ANK2: variants seen among roughly 807,000 people sequenced by gnomAD.
ANK2 encodes the protein ankyrin-2.
Under a neutral mutation model 360.5 loss-of-function variants are expected in ANK2, and 83 were observed. The observed-to-expected ratio is 0.23, with a 90% CI of 0.19 to 0.28. The LOEUF is 0.28. Ranked by LOEUF, ANK2 falls within the 10% of genes least tolerant of loss-of-function variation. ANK2 has a pLI of 1.00. For synonymous variants in ANK2, 1,740 were observed against 1,759.5 expected (o/e 0.99, Z 0.28); for missense variants, 4,201 against 4,795.7 (o/e 0.88, Z 3.66).
At chr4:112,744,141 A>C in the ANK2 span, among the ~76,000 whole-genome samples, 2 of 152,090 alleles carry the variant, frequency 1.3e-5, no homozygotes, top group East Asian at 3.9e-4. Context: ...ATTACTTTCA[A>C]TGGCAAAAAC....
At chr4:113,186,020 G>C (rs1020637372) in intron 2 of ANK2, among the ~76,000 whole-genome samples, 1 of 152,208 alleles carries the variant, frequency 6.6e-6, no homozygotes, top group Non-Finnish European at 1.5e-5. Context: ...GAAGAGAGCA[G>C]TGGATCTCCC....
chr4:113,137,339 A>G (rs937698982), intron 1 of ANK2, among the ~76,000 whole-genome samples: 4 of 152,196 alleles, frequency 2.6e-5, no homozygotes, highest in African/African-American at 9.7e-5. Flanking sequence ...GGAAAAAAGT[A>G]GACTCTGCAG....
At chr4:113,312,778 G>A (rs1248287253) in intron 24 of ANK2, among the ~76,000 whole-genome samples, 1 of 152,306 alleles carries the variant, frequency 6.6e-6, no homozygotes, top group East Asian at 1.9e-4. Flanking sequence ...AAGTGTGGAG[G>A]ACGGGAATTA....
At chr4:113,210,728 C>T (rs1184390645) in intron 4 of ANK2, among the ~76,000 whole-genome samples, 2 of 152,134 alleles carry the variant, frequency 1.3e-5, no homozygotes, top group African/African-American at 4.8e-5. Context: ...TTAACACAAT[C>T]CTTAGCATAT....
intron 1 of ANK2, among the ~76,000 whole-genome samples, chr4:112,849,065 T>C (rs1045857307): frequency 6.6e-6 from 1 of 152,234 alleles, no homozygotes; most frequent in Non-Finnish European, 1.5e-5. Context: ...TATTGAACCA[T>C]GTAAGGGATT....
At chr4:112,838,291 C>T (rs2061409008) in intron 1 of ANK2, among the ~76,000 whole-genome samples, 1 of 152,154 alleles carries the variant, frequency 6.6e-6, no homozygotes, top group Admixed American at 6.5e-5. Context: ...GAGGCCTCCC[C>T]AGCCATGCAG....
At chr4:113,089,034 CT>C (rs1274436514) in intron 1 of ANK2, among the ~76,000 whole-genome samples, 1 of 152,186 alleles carries the variant, frequency 6.6e-6, no homozygotes, top group Non-Finnish European at 1.5e-5. Flanking sequence ...GCCCAACTGG[CT>C]TTCTTACCTG....
At chr4:113,265,059 G>T in intron 14 of ANK2, 64 bp downstream of exon 14, 4 of 1,451,824 alleles carry the variant, frequency 2.8e-6, no homozygotes, top group Middle Eastern at 1.7e-4. Flanking sequence ...TTAAGAGAGG[G>T]TGTTGCCCTT....
At chr4:112,812,880 T>G in the ANK2 span, among the ~76,000 whole-genome samples, 2 of 152,118 alleles carry the variant, frequency 1.3e-5, no homozygotes, top group Non-Finnish European at 2.9e-5. Context: ...TGCCTCAGAT[T>G]TAAAATCAGC....
At chr4:113,335,799 A>C (rs765668168) in intron 29 of ANK2, 47 bp from the exon 30 acceptor site, 1 of 1,569,298 alleles carries the variant, frequency 6.4e-7, no homozygotes, top group Non-Finnish European at 8.8e-7. Context: ...TGCTGTTAGA[A>C]GGAAATCTTT....
the ANK2 span, among the ~76,000 whole-genome samples, chr4:112,737,322 C>G: frequency 5.3e-5 from 8 of 152,214 alleles, no homozygotes; most frequent in Non-Finnish European, 2.9e-5. Context: ...TAAGTTCTCT[C>G]TGTAAATCTG....
chr4:113,214,403 A>G (rs2099063028), intron 4 of ANK2: 3 of 876,362 alleles, frequency 3.4e-6, no homozygotes, highest in Non-Finnish European at 5.5e-6. Context: ...TCTTGGAGGC[A>G]CGGACCGGAG....
intron 1 of ANK2, among the ~76,000 whole-genome samples, chr4:112,875,536 A>G (rs2074788954): frequency 6.6e-6 from 1 of 150,630 alleles, no homozygotes; most frequent in Non-Finnish European, 1.5e-5. Context: ...GAATCTTACT[A>G]TTTTGTGCAG....
At chr4:113,012,141 A>T (rs2054950662) in intron 2 of ANK2, among the ~76,000 whole-genome samples, 1 of 152,152 alleles carries the variant, frequency 6.6e-6, no homozygotes, top group Admixed American at 6.5e-5. Flanking sequence ...TGGATTATTT[A>T]CCACGAAAAT....
the ANK2 span, among the ~76,000 whole-genome samples, chr4:112,780,684 G>A: frequency 2.6e-5 from 4 of 152,070 alleles, no homozygotes; most frequent in Admixed American, 6.6e-5. Flanking sequence ...GAGGCATCAG[G>A]AAACTTACAA....
intron 4 of ANK2, among the ~76,000 whole-genome samples, chr4:113,225,552 G>C (rs1056097816): frequency 1.2e-4 from 18 of 152,102 alleles, no homozygotes; most frequent in Non-Finnish European, 2.4e-4. Context: ...GAAAATAAAG[G>C]CTGAAAAGTT....
At chr4:112,895,538 C>A (rs1392323615) in intron 1 of ANK2, among the ~76,000 whole-genome samples, 3 of 152,086 alleles carry the variant, frequency 2.0e-5, no homozygotes, top group African/African-American at 7.2e-5. Flanking sequence ...ATTATCTGTT[C>A]TCTGGGGAGT....
intron 1 of ANK2, among the ~76,000 whole-genome samples, chr4:112,851,629 C>CT (rs201925948): frequency 1.0e-3 from 149 of 145,278 alleles, no homozygotes; most frequent in South Asian, 3.9e-3. Flanking sequence ...TTTTCTTTTT[C>CT]TTTTTTTTTT....
At chr4:112,712,234 C>T in the ANK2 span, among the ~76,000 whole-genome samples, 2 of 149,866 alleles carry the variant, frequency 1.3e-5, no homozygotes, top group Admixed American at 6.6e-5. Context: ...CATGTGCCAC[C>T]ATGCCTGACT....
Sources: allele counts gnomAD v4.1 joint callset (sites outside exome capture counted in the v4.1 genomes callset), GRCh38; gene constraint gnomAD v4.1.1; transcripts MANE v1.5; gene names NCBI Gene and HGNC (gene_info 2026-07-23, HGNC 2026-07-21).